The following BLK variants were observed in gnomAD, a reference collection of about 807,000 sequenced individuals.
The protein encoded by BLK is tyrosine-protein kinase Blk.
Under a neutral mutation model 61.8 loss-of-function variants are expected in BLK, and 64 were observed. That is an observed-to-expected ratio of 1.03 (90% CI 0.85 to 1.27). The LOEUF (loss-of-function observed/expected upper bound fraction) is 1.27, where lower values mean the gene tolerates loss of function less well. Among genes scored for constraint, BLK ranks in the 50% most tolerant of loss-of-function variants. BLK has a pLI of 0.00. For missense variants in BLK, 853 were observed against 660.5 expected (o/e 1.29, Z -3.19); for synonymous variants, 351 against 272.0 (o/e 1.29, Z -2.86).
At chr8:11,507,915 G>A (rs918886172) in intron 1 of BLK, among the ~76,000 whole-genome samples, 2 of 152,178 alleles carry the variant, frequency 1.3e-5, no homozygotes, top group Non-Finnish European at 1.5e-5. Flanking sequence ...GGGGTTCAGG[G>A]CCCAGCACTG....
intron 1 of BLK, among the ~76,000 whole-genome samples, chr8:11,534,399 T>C (rs1025751140): frequency 6.6e-6 from 1 of 152,180 alleles, no homozygotes. Flanking sequence ...TTACATGGTG[T>C]TCCCCCCCCA....
At chr8:11,518,156 C>T (rs1223604586) in intron 1 of BLK, among the ~76,000 whole-genome samples, 1 of 152,046 alleles carries the variant, frequency 6.6e-6, no homozygotes, top group African/African-American at 2.4e-5. Context: ...CTCCTGGGCC[C>T]CAGGTGTGCC....
intron 1 of BLK, among the ~76,000 whole-genome samples, chr8:11,497,032 C>G (rs1039391087): frequency 1.3e-5 from 2 of 152,008 alleles, no homozygotes; most frequent in African/African-American, 4.8e-5. Context: ...GACAGAGAAA[C>G]CTGGCCCCTC....
intron 11 of BLK, among the ~76,000 whole-genome samples, chr8:11,562,284 G>C (rs1250657121): frequency 6.6e-6 from 1 of 152,208 alleles, no homozygotes; most frequent in African/African-American, 2.4e-5. Context: ...TACGTCACAA[G>C]AGAATCTGAA....
chr8:11,495,232 C>G (rs924028887), intron 1 of BLK, among the ~76,000 whole-genome samples: 2 of 152,174 alleles, frequency 1.3e-5, no homozygotes, highest in Non-Finnish European at 2.9e-5. Context: ...GACAACGTTT[C>G]CATTTATCTG....
intron 12 of BLK, among the ~76,000 whole-genome samples, chr8:11,563,497 A>C (rs1343600912): frequency 6.6e-6 from 1 of 152,162 alleles, no homozygotes; most frequent in African/African-American, 2.4e-5. Context: ...GACAGCCCCC[A>C]GCCCCAGTCG....
At chr8:11,546,166 G>A in intron 3 of BLK, 63 bp downstream of exon 3, 2 of 1,589,316 alleles carry the variant, frequency 1.3e-6, no homozygotes, top group Non-Finnish European at 1.7e-6. Context: ...GCAGCTTTGT[G>A]GAGTTGGAAA....
intron 1 of BLK, among the ~76,000 whole-genome samples, chr8:11,525,509 T>C (rs1276354675): frequency 6.6e-6 from 1 of 152,196 alleles, no homozygotes; most frequent in African/African-American, 2.4e-5. Context: ...GTAACAATAA[T>C]GTATCCTGGG....
intron 1 of BLK, among the ~76,000 whole-genome samples, chr8:11,512,666 G>C (rs574794922): frequency 0.012 from 1,756 of 152,096 alleles, 35 homozygotes; most frequent in African/African-American, 0.04. Context: ...TTGTTTGTTT[G>C]TTTGTTTGTT....
chr8:11,548,076 G>C lies in BLK; in HGVS notation c.220G>C (p.Asp74His), dbSNP rs538912310. 2.0e-5 allele frequency: 32 copies of C among 1,614,006 alleles called. No individual in the cohort carries two copies. In the African/African-American group the frequency reaches 4.3e-4, roughly 22 times the overall value. Residue 74 changes from aspartate (D) to histidine (H), a missense_variant, in exon 4 of 13, where the codon GAT becomes CAT. Physicochemically the swap from Asp to His is moderately conservative, Grantham distance 81 (BLOSUM62 -1). Coordinates refer to ENST00000259089, the MANE Select transcript of BLK (RefSeq NM_001715.3). ...VALYDYTAMN[D>H]RDLQMLKGEK... The stretch of plus-strand genomic sequence containing the variant: ...TCTGTATGACTACACCGCTATGAAT[G>C]ATCGGGACCTGCAGATGCTGAAGGG...
In BLK at chr8:11,547,911, A is replaced by C. The variant is rs185963770; in HGVS notation, c.176-121A>C. 4.2e-3 allele frequency: 3,705 copies of C among 886,932 alleles called. 12 individuals carry two copies. Among genetic ancestry groups the C allele is most frequent in the Non-Finnish European group, 6.0e-3 (3,225 of 538,630 alleles). The allele number at this position is 886,932 out of a possible 1,614,324, so 54.9% of individuals were successfully genotyped here. A position where few individuals can be genotyped will look rare whatever the true frequency, so the allele number is the denominator to read the frequency against. On this transcript the variant is annotated intron_variant, in intron 3 of 12. Transcript: ENST00000259089. ...TGGGGGTGGGGGCCTGTGCTGGGTG[A>C]GAACATCATTTCCATCGTGGGCAAG...
intron 5 of BLK, among the ~76,000 whole-genome samples, chr8:11,549,718 C>T (rs1194492437): frequency 2.0e-5 from 3 of 152,162 alleles, no homozygotes; most frequent in African/African-American, 7.2e-5. Flanking sequence ...TGTGGGGAAC[C>T]GTGGGGCTGT....
In BLK at chr8:11,555,386, C is replaced by A. The variant is rs144592409; in HGVS notation, c.674C>A (p.Pro225Gln). Residue 225 changes from proline to glutamine, a missense_variant, in exon 8 of 13, where the codon CCG becomes CAG. Physicochemically the swap from Pro to Gln is moderately conservative, Grantham distance 76. Transcript: ENST00000259089. ...ACCCTGCCCTGTGTGCGCCCGGCCC[C>A]GCAGAATCCCTGGGCCCAGGATGAA... The part of the protein sequence containing the change: ...RLTLPCVRPA[P>Q]QNPWAQDEWE... 55 of 1,614,152 alleles carry A rather than the reference C, an allele frequency of 3.4e-5. 1 individual carries two copies. The South Asian group carries it at 3.7e-4, about 11-fold the overall frequency.
intron 1 of BLK, among the ~76,000 whole-genome samples, chr8:11,517,122 G>C (rs1481826863): frequency 6.6e-6 from 1 of 152,220 alleles, no homozygotes; most frequent in African/African-American, 2.4e-5. Flanking sequence ...GAATAGGCAG[G>C]TGGGAGGACA....
At chr8:11,530,748 C>A (rs577107014) in intron 1 of BLK, among the ~76,000 whole-genome samples, 2 of 152,062 alleles carry the variant, frequency 1.3e-5, no homozygotes, top group African/African-American at 2.4e-5. Flanking sequence ...AGTGAAAAGT[C>A]GAAAAGATTT....
chr8:11,530,509 A>C (rs559731344), intron 1 of BLK, among the ~76,000 whole-genome samples: 1 of 152,364 alleles, frequency 6.6e-6, no homozygotes, highest in African/African-American at 2.4e-5. Context: ...GTCTTGCTAC[A>C]AAAGAAAACA....
intron 1 of BLK, among the ~76,000 whole-genome samples, chr8:11,511,841 G>T (rs1174939062): frequency 6.6e-6 from 1 of 152,170 alleles, no homozygotes; most frequent in East Asian, 1.9e-4. Flanking sequence ...CAATATTTAG[G>T]ATAACACTGG....
chr8:11,517,734 C>G (rs1423177870), intron 1 of BLK, among the ~76,000 whole-genome samples: 2 of 152,200 alleles, frequency 1.3e-5, no homozygotes, highest in Non-Finnish European at 2.9e-5. Context: ...AAGCCAGAGG[C>G]TTACAGGCTG....
At chr8:11,543,051 C>T (rs536689792) in intron 1 of BLK, among the ~76,000 whole-genome samples, 173 bp from the exon 2 acceptor site, 3 of 152,300 alleles carry the variant, frequency 2.0e-5, no homozygotes, top group Admixed American at 6.5e-5. Flanking sequence ...GATGGACACC[C>T]ATTTAGCTCA....
Sources: allele counts gnomAD v4.1 joint callset (sites outside exome capture counted in the v4.1 genomes callset), GRCh38; gene constraint gnomAD v4.1.1; transcripts MANE v1.5; gene names NCBI Gene and HGNC (gene_info 2026-07-23, HGNC 2026-07-21).